KCND2: variants seen among roughly 807,000 people sequenced by gnomAD.
KCND2 encodes potassium voltage-gated channel subfamily D member 2, also known as A-type voltage-gated potassium channel KCND2.
In KCND2, 16 loss-of-function variants were observed where a neutral mutation model predicts 54.4. That is an observed-to-expected ratio of 0.29 (90% CI 0.20 to 0.45). The LOEUF (loss-of-function observed/expected upper bound fraction) is 0.45. Ranked by LOEUF, KCND2 falls within the 20% of genes least tolerant of loss-of-function variation. The pLI, the probability that KCND2 is intolerant of heterozygous loss-of-function variation, is 1.00. For missense variants in KCND2, 486 were observed against 824.2 expected, an observed-to-expected ratio of 0.59 and a Z score of 5.02; for synonymous variants, 317 against 310.7, an observed-to-expected ratio of 1.02 and a Z score of -0.21.
intron 1 of KCND2, among the ~76,000 whole-genome samples, chr7:120,412,432 G>C (rs1801464552): frequency 6.6e-6 from 1 of 151,890 alleles, no homozygotes; most frequent in Non-Finnish European, 1.5e-5. Context: ...TTATGAAACT[G>C]GCAATTAATC....
chr7:120,597,278 G>A (rs1343337819), intron 1 of KCND2, among the ~76,000 whole-genome samples: 2 of 152,128 alleles, frequency 1.3e-5, no homozygotes, highest in Admixed American at 6.6e-5. Context: ...ATAAAAGATA[G>A]GGAGGAGTCA....
At chr7:120,418,308 C>T (rs1584770575) in intron 1 of KCND2, among the ~76,000 whole-genome samples, 1 of 152,240 alleles carries the variant, frequency 6.6e-6, no homozygotes, top group East Asian at 1.9e-4. Context: ...TACTGTGATT[C>T]CACAAGACAG....
chr7:120,655,766 A>G (rs1475280594), intron 1 of KCND2, among the ~76,000 whole-genome samples: 2 of 152,122 alleles, frequency 1.3e-5, no homozygotes, highest in South Asian at 2.1e-4. Flanking sequence ...TCACCCAAAA[A>G]TGATTGAAAA....
Position 120,430,630 on chromosome 7 carries a change from T to C in KCND2, c.1115+154883T>C, listed in dbSNP as rs577634746. Among the ~76,000 whole-genome samples the C allele has an allele frequency of 2.6e-5, 4 of 152,314 alleles. No homozygotes were observed. The East Asian group carries it at 7.7e-4, about 29-fold the overall frequency. ...ACCTAGCACTTGTTCAATTTTGGTA[T>C]AGTATCAAAGAAGAATGCTTATAAT... On this transcript the variant is annotated intron_variant, in intron 1 of 5. Coordinates refer to ENST00000331113, the MANE Select transcript of KCND2 (RefSeq NM_012281.3).
chr7:120,705,891 C>T (rs1302511138), intron 1 of KCND2, among the ~76,000 whole-genome samples: 3 of 152,082 alleles, frequency 2.0e-5, no homozygotes, highest in Non-Finnish European at 4.4e-5. Context: ...TTCCTTCTCT[C>T]TCTTTTCTTT....
intron 1 of KCND2, among the ~76,000 whole-genome samples, chr7:120,610,063 T>A (rs1792933624): frequency 6.6e-6 from 1 of 152,176 alleles, no homozygotes; most frequent in South Asian, 2.1e-4. Flanking sequence ...TGCTACTGGC[T>A]GAGTGTTATC....
intron 1 of KCND2, among the ~76,000 whole-genome samples, chr7:120,730,464 T>A (rs1486170716): frequency 1.3e-5 from 2 of 152,220 alleles, no homozygotes; most frequent in Non-Finnish European, 2.9e-5. Context: ...GAAAATCATC[T>A]TCTAAATTCC....
chr7:120,672,930 C>T (rs1282603533), intron 1 of KCND2: 5 of 151,976 alleles, frequency 3.3e-5, no homozygotes, highest in Non-Finnish European at 7.4e-5. Flanking sequence ...TAGCACAGCC[C>T]TTGTGCAAGG....
intron 4 of KCND2, among the ~76,000 whole-genome samples, chr7:120,743,016 G>A: frequency 6.6e-6 from 1 of 152,106 alleles, no homozygotes; most frequent in East Asian, 1.9e-4. Flanking sequence ...ACAAAAAACA[G>A]AGAACAATGG....
intron 1 of KCND2, among the ~76,000 whole-genome samples, chr7:120,448,800 A>G (rs1802057697): frequency 6.6e-6 from 1 of 152,212 alleles, no homozygotes; most frequent in Non-Finnish European, 1.5e-5. Context: ...AATCCATCAT[A>G]TAAACGGAAC....
At chr7:120,290,056 G>A (rs911687844) in intron 1 of KCND2, among the ~76,000 whole-genome samples, 4 of 151,976 alleles carry the variant, frequency 2.6e-5, no homozygotes, top group Non-Finnish European at 5.9e-5. Flanking sequence ...CTCAATATGC[G>A]TGCTGACAAA....
intron 1 of KCND2, among the ~76,000 whole-genome samples, chr7:120,355,538 ACT>A (rs963028456): frequency 2.0e-5 from 3 of 151,658 alleles, no homozygotes; most frequent in Non-Finnish European, 4.4e-5. Flanking sequence ...ACAGAGTGAG[ACT>A]CTGTCTCAGA....
chr7:120,647,822 C>T (rs1419836687), intron 1 of KCND2, among the ~76,000 whole-genome samples: 1 of 152,166 alleles, frequency 6.6e-6, no homozygotes, highest in Non-Finnish European at 1.5e-5. Context: ...GAAAGCTACT[C>T]TAAAATGTTA....
intron 1 of KCND2, among the ~76,000 whole-genome samples, chr7:120,602,700 A>G (rs1293681537): frequency 1.3e-5 from 2 of 152,234 alleles, no homozygotes; most frequent in African/African-American, 4.8e-5. Flanking sequence ...AACTACTTCA[A>G]ATCTCTTGAG....
chr7:120,386,957 G>A (rs1800997689), intron 1 of KCND2, among the ~76,000 whole-genome samples: 1 of 151,956 alleles, frequency 6.6e-6, no homozygotes, highest in African/African-American at 2.4e-5. Flanking sequence ...TCCAGTGATG[G>A]GACCACTCTA....
chr7:120,692,035 T>C (rs940052703), intron 1 of KCND2, among the ~76,000 whole-genome samples: 6 of 152,140 alleles, frequency 3.9e-5, no homozygotes, highest in African/African-American at 1.4e-4. Context: ...AGGAGCAGTT[T>C]TGGTGAAATC....
chr7:120,292,877 C>A (rs1227259870), intron 1 of KCND2, among the ~76,000 whole-genome samples: 1 of 151,582 alleles, frequency 6.6e-6, no homozygotes, highest in Non-Finnish European at 1.5e-5. Context: ...AATGTGATTT[C>A]TTGACCTCCT....
intron 1 of KCND2, among the ~76,000 whole-genome samples, chr7:120,290,772 T>C (rs148993796): frequency 1.3e-5 from 2 of 152,130 alleles, no homozygotes; most frequent in Non-Finnish European, 2.9e-5. Context: ...GCCAACTTTA[T>C]TAAAATTTGG....
intron 1 of KCND2, among the ~76,000 whole-genome samples, chr7:120,696,987 G>T (rs1353713998): frequency 6.6e-6 from 1 of 152,118 alleles, no homozygotes; most frequent in African/African-American, 2.4e-5. Flanking sequence ...CCATATATCT[G>T]CAAATAACGA....
Sources: gnomAD v4.1 joint callset for allele counts (sites outside exome capture counted in the v4.1 genomes callset) on GRCh38, gnomAD v4.1.1 for gene constraint, MANE v1.5 for transcripts, NCBI Gene and HGNC (gene_info 2026-07-23, HGNC 2026-07-21) for gene names.